The following EML1 variants were observed in gnomAD, a reference collection of about 807,000 sequenced individuals.
The protein encoded by EML1 is EMAP like 1, also known as echinoderm microtubule-associated protein-like 1.
In EML1, 27 loss-of-function variants were observed where a neutral mutation model predicts 110.4. The observed-to-expected ratio is 0.24, with a 90% CI of 0.18 to 0.34. EML1 has a LOEUF of 0.34. EML1 is among the 10% of genes least tolerant of loss of function. The pLI, the probability that EML1 is intolerant of heterozygous loss-of-function variation, is 1.00. For synonymous variants in EML1, 344 were observed against 385.8 expected (o/e 0.89, Z 1.27); for missense variants, 741 against 1,030.9 (o/e 0.72, Z 3.85).
intron 4 of EML1, chr14:99,886,029 C>T (rs2059468175): frequency 2.9e-6 from 1 of 348,588 alleles, no homozygotes; most frequent in Non-Finnish European, 5.6e-6. Flanking sequence ...CAAATAAAGT[C>T]TCCAGCAACT....
chr14:99,818,052 G>A (rs551145739), intron 1 of EML1, among the ~76,000 whole-genome samples: 45 of 152,220 alleles, frequency 3.0e-4, no homozygotes, highest in African/African-American at 7.2e-4. Context: ...GGAAGCAGGC[G>A]AAAGTGTGCA....
chr14:99,917,585 T>C (rs2060054203), intron 15 of EML1, among the ~76,000 whole-genome samples, 197 bp from the exon 16 acceptor site: 1 of 152,086 alleles, frequency 6.6e-6, no homozygotes, highest in African/African-American at 2.4e-5. Flanking sequence ...TAGGTAGAAA[T>C]TTAGCATTAT....
chr14:99,757,420 C>T (rs372754904), intron 1 of EML1, among the ~76,000 whole-genome samples: 2 of 151,900 alleles, frequency 1.3e-5, no homozygotes, highest in African/African-American at 4.8e-5. Context: ...TGTGTGGCAA[C>T]AAAACTGGCC....
intron 1 of EML1, chr14:99,850,320 A>G (rs1272550505): frequency 1.6e-6 from 2 of 1,289,066 alleles, no homozygotes; most frequent in South Asian, 1.2e-5. Flanking sequence ...GGAGTTGGAA[A>G]TTATGATTCT....
At chr14:99,798,873 C>G (rs1244003441) in intron 1 of EML1, among the ~76,000 whole-genome samples, 1 of 152,096 alleles carries the variant, frequency 6.6e-6, no homozygotes, top group Non-Finnish European at 1.5e-5. Context: ...AGGCAGAGCC[C>G]TATCAGATTA....
At chr14:99,872,424 C>T (rs752864882) in intron 3 of EML1, among the ~76,000 whole-genome samples, 1 of 152,130 alleles carries the variant, frequency 6.6e-6, no homozygotes, top group Non-Finnish European at 1.5e-5. Context: ...AACCCTCCTC[C>T]CAGAAACATT....
At chr14:99,804,433 G>A (rs904378267) in intron 1 of EML1, among the ~76,000 whole-genome samples, 2 of 152,174 alleles carry the variant, frequency 1.3e-5, no homozygotes, top group African/African-American at 2.4e-5. Flanking sequence ...CCCTTTTGAA[G>A]TGGGTCCTAT....
chr14:99,904,971 C>T (rs1566929484), intron 9 of EML1, among the ~76,000 whole-genome samples: 2 of 152,254 alleles, frequency 1.3e-5, no homozygotes, highest in Middle Eastern at 6.8e-3. Flanking sequence ...CTCACAAATC[C>T]TTTTTTCCCA....
intron 1 of EML1, among the ~76,000 whole-genome samples, chr14:99,786,742 A>C (rs113317164): frequency 0.015 from 2,223 of 152,346 alleles, 49 homozygotes; most frequent in African/African-American, 0.051. Context: ...GCAGGAGTGC[A>C]GACTGACTTG....
chr14:99,893,528 C>T (rs141472247), intron 5 of EML1, among the ~76,000 whole-genome samples: 21 of 152,242 alleles, frequency 1.4e-4, no homozygotes, highest in African/African-American at 5.1e-4. Flanking sequence ...GAAGCGCATA[C>T]ACACAATAAC....
chr14:99,755,871 C>T (rs1163917672), intron 1 of EML1, among the ~76,000 whole-genome samples: 2 of 150,210 alleles, frequency 1.3e-5, no homozygotes, highest in African/African-American at 4.8e-5. Flanking sequence ...TGGCCCTGGA[C>T]CCACCCTGGA....
At chr14:99,789,742 CT>C (rs1376686419), upstream of EML1, among the ~76,000 whole-genome samples, 1 of 152,190 alleles carries the variant, frequency 6.6e-6, no homozygotes, top group African/African-American at 2.4e-5. Context: ...AGAGCTTTCA[CT>C]TTCCTTTCTC....
intron 1 of EML1, among the ~76,000 whole-genome samples, chr14:99,805,000 C>T (rs2057945726): frequency 6.6e-6 from 1 of 152,170 alleles, no homozygotes; most frequent in Admixed American, 6.5e-5. Flanking sequence ...GTACAGGATT[C>T]CACATGCTGA....
chr14:99,877,722 G>A (rs11622433), intron 3 of EML1, among the ~76,000 whole-genome samples: 2 of 152,300 alleles, frequency 1.3e-5, no homozygotes, highest in East Asian at 3.9e-4. Context: ...CCTGCCTTTA[G>A]GCCAGATTTC....
chr14:99,866,909 G>A (rs2059112430), intron 3 of EML1, among the ~76,000 whole-genome samples: 1 of 152,160 alleles, frequency 6.6e-6, no homozygotes, highest in Non-Finnish European at 1.5e-5. Context: ...ATATTGCATT[G>A]TGTGTATATA....
intron 17 of EML1, among the ~76,000 whole-genome samples, chr14:99,923,605 A>G (rs2060170906): frequency 6.6e-6 from 1 of 151,448 alleles, no homozygotes; most frequent in African/African-American, 2.4e-5. Context: ...ATCGATCAGA[A>G]ATGTAAAGGT....
chr14:99,934,638 G>A (rs1332866020), intron 17 of EML1, among the ~76,000 whole-genome samples: 1 of 152,250 alleles, frequency 6.6e-6, no homozygotes, highest in Admixed American at 6.5e-5. Flanking sequence ...GTGTTTTGTG[G>A]ATGGAGGACC....
intron 11 of EML1, among the ~76,000 whole-genome samples, chr14:99,909,752 G>A (rs1486748162): frequency 1.3e-5 from 2 of 152,164 alleles, no homozygotes; most frequent in South Asian, 2.1e-4. Flanking sequence ...TGAAGTCATC[G>A]GGAGGCAGGC....
chr14:99,938,408 T>C (rs1314384673), intron 20 of EML1, among the ~76,000 whole-genome samples: 1 of 152,260 alleles, frequency 6.6e-6, no homozygotes, highest in Non-Finnish European at 1.5e-5. Context: ...ACTACAAGTC[T>C]TGTGAGAATT....
Sources: gnomAD v4.1 joint callset for allele counts (sites outside exome capture counted in the v4.1 genomes callset) on GRCh38, gnomAD v4.1.1 for gene constraint, MANE v1.5 for transcripts, NCBI Gene and HGNC (gene_info 2026-07-23, HGNC 2026-07-21) for gene names.